UTRN: variants seen among roughly 807,000 people sequenced by gnomAD.
The protein encoded by UTRN is utrophin, also known as dystrophin-related protein 1.
UTRN carries 283 observed loss-of-function variants against 463.9 expected under a neutral mutation model. That is an observed-to-expected ratio of 0.61 (90% CI 0.55 to 0.67). The LOEUF is 0.67. UTRN is among the 30% of genes least tolerant of loss of function. The pLI, the probability that UTRN is intolerant of heterozygous loss-of-function variation, is 0.00. For missense variants in UTRN, 3,922 were observed against 4,084.3 expected (o/e 0.96, Z 1.08); for synonymous variants, 1,442 against 1,431.5 (o/e 1.01, Z -0.17).
At chr6:144,752,170 A>G (rs1791470842) in intron 56 of UTRN, among the ~76,000 whole-genome samples, 1 of 152,212 alleles carries the variant, frequency 6.6e-6, no homozygotes, top group South Asian at 2.1e-4. Flanking sequence ...TGTACTATTC[A>G]TATGATATTT....
At chr6:144,331,397 C>T (rs900706459) in intron 2 of UTRN, among the ~76,000 whole-genome samples, 9 of 152,052 alleles carry the variant, frequency 5.9e-5, no homozygotes, top group African/African-American at 1.9e-4. Context: ...TCTAATGATA[C>T]GCTATGAAAG....
At chr6:144,292,905 T>C (rs1290773892) in intron 2 of UTRN, among the ~76,000 whole-genome samples, 1 of 152,206 alleles carries the variant, frequency 6.6e-6, no homozygotes, top group Admixed American at 6.5e-5. Flanking sequence ...AGATCTAAAT[T>C]AACTGTCTTA....
chr6:144,289,361 C>G (rs1360270267), intron 1 of UTRN, among the ~76,000 whole-genome samples: 1 of 152,174 alleles, frequency 6.6e-6, no homozygotes, highest in African/African-American at 2.4e-5. Context: ...CACATATTCA[C>G]CCATTTCTTT....
At chr6:144,720,628 G>A (rs1787030196) in intron 53 of UTRN, among the ~76,000 whole-genome samples, 4 of 152,142 alleles carry the variant, frequency 2.6e-5, no homozygotes, top group African/African-American at 9.7e-5. Flanking sequence ...TATGTGGAAG[G>A]TACACAATCG....
chr6:144,728,856 A>T (rs1788204329), intron 53 of UTRN, among the ~76,000 whole-genome samples: 1 of 152,178 alleles, frequency 6.6e-6, no homozygotes, highest in South Asian at 2.1e-4. Flanking sequence ...TACAATGCTT[A>T]CACACAAAAA....
chr6:144,724,222 CTTTTTTTTTTT>C (rs34507977), intron 53 of UTRN, among the ~76,000 whole-genome samples: 2 of 78,114 alleles, frequency 2.6e-5, no homozygotes, highest in Non-Finnish European at 2.2e-5. Context: ...AGATTCATAA[CTTTTTTTTTTT>C]TTTTTTTTTT....
intron 50 of UTRN, among the ~76,000 whole-genome samples, chr6:144,559,672 A>G (rs1358760368): frequency 1.3e-5 from 2 of 152,062 alleles, no homozygotes; most frequent in Non-Finnish European, 2.9e-5. Flanking sequence ...CTTTCTTTAC[A>G]TTATCGCTTC....
chr6:144,496,848 G>A (rs530135556), intron 33 of UTRN, among the ~76,000 whole-genome samples: 1 of 152,328 alleles, frequency 6.6e-6, no homozygotes, highest in South Asian at 2.1e-4. Flanking sequence ...GAGATCTGAA[G>A]TCTGGGTAGG....
Position 144,548,000 on chromosome 6 carries a change from G to T in UTRN, c.6596-640G>T, listed in dbSNP as rs140017085. On this transcript the variant is annotated intron_variant, in intron 46 of 74. Coordinates refer to ENST00000367545, the MANE Select transcript of UTRN (RefSeq NM_007124.3). ...TTAATTACTAATTCAACTACTTATT[G>T]TATCAAAACCAATCAATTTGGCAAT... 2.6e-5 allele frequency among the ~76,000 whole-genome samples: 4 copies of T among 152,108 alleles called. No homozygotes were observed. In the East Asian group the frequency reaches 7.7e-4, roughly 29 times the overall value.
At chr6:144,298,868 A>T (rs1804986858) in intron 2 of UTRN, among the ~76,000 whole-genome samples, 1 of 152,246 alleles carries the variant, frequency 6.6e-6, no homozygotes, top group African/African-American at 2.4e-5. Flanking sequence ...ACACATCTGT[A>T]TAATTTCAAA....
intron 55 of UTRN, 73 bp from the exon 56 acceptor site, chr6:144,751,733 T>C: frequency 7.0e-7 from 1 of 1,421,450 alleles, no homozygotes; most frequent in South Asian, 1.5e-5. Flanking sequence ...AGACCTAAGT[T>C]ATTTAAGGAT....
At chr6:144,687,482 A>G (rs77361348) in intron 52 of UTRN, among the ~76,000 whole-genome samples, 8,250 of 152,272 alleles carry the variant, frequency 0.054, 558 homozygotes, top group African/African-American at 0.16. Flanking sequence ...ATAATAATGA[A>G]ATAATCAAAC....
intron 52 of UTRN, among the ~76,000 whole-genome samples, chr6:144,693,523 G>C (rs1275328939): frequency 6.6e-6 from 1 of 152,186 alleles, no homozygotes; most frequent in African/African-American, 2.4e-5. Context: ...CTATCCACGA[G>C]CATGGAATGT....
chr6:144,851,367 A>G lies in UTRN; in HGVS notation c.*370A>G, dbSNP rs1246336841. 4.7e-6 allele frequency: 1 copy of G among 212,528 alleles called. No individual in the cohort carries two copies. Among genetic ancestry groups the G allele is most frequent in the Non-Finnish European group, 9.5e-6 (1 of 105,260 alleles). The allele number at this position is 212,528 out of a possible 1,614,324, so 13.2% of individuals were successfully genotyped here. On this transcript the variant is annotated 3_prime_UTR_variant, in exon 75 of 75. Coordinates refer to ENST00000367545, the MANE Select transcript of UTRN (RefSeq NM_007124.3). The stretch of plus-strand genomic sequence containing the variant: ...TTTTAATAACTATGACAAAGCTTAC[A>G]TAAGAATTAGAAGACCACTTTACAT...
At chr6:144,380,469 T>C (rs1176078811) in intron 2 of UTRN, among the ~76,000 whole-genome samples, 1 of 152,158 alleles carries the variant, frequency 6.6e-6, no homozygotes, top group East Asian at 1.9e-4. Context: ...TGTTTGAAAA[T>C]ATCCCCTCCC....
intron 69 of UTRN, among the ~76,000 whole-genome samples, chr6:144,834,792 T>G (rs569557305): frequency 6.6e-6 from 1 of 152,296 alleles, no homozygotes; most frequent in East Asian, 1.9e-4. Context: ...CCCCATCGCT[T>G]ACACAGGAAG....
chr6:144,490,854 G>T, intron 31 of UTRN, 75 bp from the exon 32 acceptor site: 1 of 1,440,716 alleles, frequency 6.9e-7, no homozygotes, highest in Non-Finnish European at 9.2e-7. Flanking sequence ...CAAATTTTTA[G>T]TAGTATCTGT....
rs146549132 is a variant in UTRN at position 144,350,942 on chromosome 6, C to T, written c.80-52181C>T. Among the ~76,000 whole-genome samples, 21 of 152,246 alleles carry T rather than the reference C, an allele frequency of 1.4e-4. No homozygotes were observed. The East Asian group carries it at 4.0e-3, about 29-fold the overall frequency. ...TGGCTGATATGGAAGACGTCATCATCCCAAACTGTGCTGAGACTAGTAGTT... is the reference window on the plus strand; with the variant it reads ...TGGCTGATATGGAAGACGTCATCATTCCAAACTGTGCTGAGACTAGTAGTT... On this transcript the variant is annotated intron_variant, in intron 2 of 74. Coordinates refer to ENST00000367545, the MANE Select transcript of UTRN (RefSeq NM_007124.3).
chr6:144,774,482 A>T, intron 60 of UTRN, 118 bp downstream of exon 60: 2 of 862,394 alleles, frequency 2.3e-6, no homozygotes, highest in Admixed American at 6.5e-5. Context: ...TCTTCAGTGT[A>T]CCTCACTCAA....
Sources: gnomAD v4.1 joint callset for allele counts (sites outside exome capture counted in the v4.1 genomes callset) on GRCh38, gnomAD v4.1.1 for gene constraint, MANE v1.5 for transcripts, NCBI Gene and HGNC (gene_info 2026-07-23, HGNC 2026-07-21) for gene names.